AGAP1: variants seen among roughly 807,000 people sequenced by gnomAD.
The protein encoded by AGAP1 is arf-GAP with GTPase, ANK repeat and PH domain-containing protein 1.
A neutral mutation model predicts 105.3 loss-of-function variants in AGAP1; 29 were observed. The ratio of observed to expected loss-of-function variants is 0.28; its 90% confidence interval spans 0.21 to 0.38. The LOEUF (loss-of-function observed/expected upper bound fraction) is 0.38. Ranked by LOEUF, AGAP1 falls within the 10% of genes least tolerant of loss-of-function variation. AGAP1 has a pLI of 1.00. For missense variants in AGAP1, 998 were observed against 1,165.1 expected (o/e 0.86, Z 2.09); for synonymous variants, 509 against 485.9 (o/e 1.05, Z -0.63).
At chr2:235,944,196 A>G (rs1432289606) in intron 12 of AGAP1, among the ~76,000 whole-genome samples, 2 of 152,334 alleles carry the variant, frequency 1.3e-5, no homozygotes, top group African/African-American at 2.4e-5. Context: ...ACAGGAAACA[A>G]TTATAATTAC....
At position 236,000,788 on chromosome 2, in the gene AGAP1, A is replaced by G. The variant is rs1386578570; in HGVS notation, c.1645+32165A>G. On this transcript the variant is annotated intron_variant, in intron 13 of 17. Coordinates refer to ENST00000304032, the MANE Select transcript of AGAP1 (RefSeq NM_001037131.3). The surrounding 1 kb of genome is among the most constrained non-coding windows in gnomAD (Gnocchi z 4.3). ...GTGAGGGCCACTAAGGGGGGCGGAG[A>G]AGACCCCTGACAGCAAGAAGGAGCC... Among the ~76,000 whole-genome samples, 1 of 152,096 alleles carries G rather than the reference A, an allele frequency of 6.6e-6. No individual in the cohort carries two copies. Among genetic ancestry groups the G allele is most frequent in the African/African-American group, 2.4e-5 (1 of 41,420 alleles).
rs775162480 is a variant in AGAP1, at chr2:235,971,809, C to A, written c.1645+3186C>A. On this transcript the variant is annotated intron_variant, in intron 13 of 17. Coordinates refer to ENST00000304032, the MANE Select transcript of AGAP1 (RefSeq NM_001037131.3). The surrounding 1 kb of genome is among the most constrained non-coding windows in gnomAD (Gnocchi z 4.8). ...TATTGTATTTTTTGAGACAGGTCCT[C>A]GCTCTGTCACCCAGGCTGGGGTGTA... Among the ~76,000 whole-genome samples the A allele has an allele frequency of 6.7e-6, 1 of 150,374 alleles. No homozygotes were observed. The highest frequency in any genetic ancestry group is 1.9e-4 in the East Asian group (1 of 5,162).
intron 9 of AGAP1, among the ~76,000 whole-genome samples, chr2:235,821,413 T>C: frequency 6.8e-6 from 1 of 146,944 alleles, no homozygotes; most frequent in South Asian, 2.1e-4. Context: ...AGACGGGGTC[T>C]CGCTCTGTCA....
At chr2:235,834,147 G>A (rs942306833) in intron 9 of AGAP1, among the ~76,000 whole-genome samples, 5 of 152,248 alleles carry the variant, frequency 3.3e-5, no homozygotes, top group Middle Eastern at 3.4e-3. Context: ...AGTTCTCAGC[G>A]TGATCACCGT....
chr2:235,784,852 G>C (rs1956522034), intron 6 of AGAP1, among the ~76,000 whole-genome samples: 1 of 152,122 alleles, frequency 6.6e-6, no homozygotes, highest in South Asian at 2.1e-4. Flanking sequence ...TAGGTTTCTG[G>C]GAGGTAATGC....
chr2:236,051,800 C>T lies in AGAP1; in HGVS notation c.2114+2519C>T, dbSNP rs2057907586. ...GCAGCCAGCAAGGTCTGTGTCCCTT[C>T]CCGCTGGAAGGCCAGGGTCCTGGTG... On this transcript the variant is annotated intron_variant, in intron 16 of 17. Coordinates refer to ENST00000304032, the MANE Select transcript of AGAP1 (RefSeq NM_001037131.3). This position sits in a 1 kb window ranked among gnomAD's most constrained non-coding sequence, Gnocchi z 5.9. Among the ~76,000 whole-genome samples the T allele has an allele frequency of 1.3e-5, 2 of 152,158 alleles. No homozygotes were observed. Among genetic ancestry groups the T allele is most frequent in the Admixed American group, 6.5e-5 (1 of 15,278 alleles).
Position 236,087,604 on chromosome 2 carries a change from C to A in AGAP1, c.2115-32588C>A, listed in dbSNP as rs893257236. Among the ~76,000 whole-genome samples the A allele has an allele frequency of 6.6e-6, 1 of 152,238 alleles. No individual in the cohort carries two copies. Among genetic ancestry groups the A allele is most frequent in the Non-Finnish European group, 1.5e-5 (1 of 68,026 alleles). On this transcript the variant is annotated intron_variant, in intron 16 of 17. Transcript: ENST00000304032. This position sits in a 1 kb window ranked among gnomAD's most constrained non-coding sequence, Gnocchi z 5.7. The stretch of plus-strand genomic sequence containing the variant: ...ACTAGTTTGATGTTCTGAATCAGGC[C>A]CCTTGGTTAAGCGTGATAACATGAT...
chr2:235,523,546 G>T (rs367882506), intron 1 of AGAP1, among the ~76,000 whole-genome samples: 1 of 152,260 alleles, frequency 6.6e-6, no homozygotes, highest in African/African-American at 2.4e-5. Flanking sequence ...GTCATGGTAC[G>T]TGCTGTCCGC....
chr2:235,990,710 C>G (rs2125451869), intron 13 of AGAP1, among the ~76,000 whole-genome samples: 2 of 152,262 alleles, frequency 1.3e-5, no homozygotes, highest in Admixed American at 1.3e-4. Flanking sequence ...GTCAGAGTCC[C>G]ACTTAGGGTC....
rs902719830 is a variant in AGAP1 at position 236,036,440 on chromosome 2, G to A, written c.1646-121G>A. ...TCCGCCGCCGTGGTTGTCCAGTGCC[G>A]TGCGCCTCACCGGTCCATGCAGGGG... is the stretch of plus-strand genomic sequence containing the variant. On this transcript the variant is annotated intron_variant, in intron 13 of 17. Transcript: ENST00000304032. This position sits in a 1 kb window ranked among gnomAD's most constrained non-coding sequence, Gnocchi z 5.7. 1.4e-5 allele frequency: 19 copies of A among 1,320,612 alleles called. No individual in the cohort carries two copies. In the Admixed American group the frequency reaches 1.5e-4, roughly 10 times the overall value. The allele number at this position is 1,320,612 out of a possible 1,614,324, so 81.8% of individuals were successfully genotyped here.
rs570555361 is a variant in AGAP1 at position 235,896,098 on chromosome 2, A to G, written c.1156-12640A>G. Among the ~76,000 whole-genome samples, 4 of 152,176 alleles carry G rather than the reference A, an allele frequency of 2.6e-5. No homozygotes were observed. In the East Asian group the frequency reaches 7.7e-4, roughly 29 times the overall value. On this transcript the variant is annotated intron_variant, in intron 10 of 17. Coordinates refer to ENST00000304032, the MANE Select transcript of AGAP1 (RefSeq NM_001037131.3). ...AAAACAAACTCTACGCATAAACACA[A>G]ATTCCTATCCCCCCTCCACTCAGCC... is the stretch of plus-strand genomic sequence containing the variant.
intron 13 of AGAP1, among the ~76,000 whole-genome samples, chr2:235,995,937 G>T (rs1036027833): frequency 1.3e-5 from 2 of 152,150 alleles, no homozygotes; most frequent in Admixed American, 6.5e-5. Context: ...AGTAGGTCTG[G>T]AGGTCAGCCT....
intron 9 of AGAP1, among the ~76,000 whole-genome samples, chr2:235,807,912 G>A (rs2150095473): frequency 6.6e-6 from 1 of 152,146 alleles, no homozygotes; most frequent in South Asian, 2.1e-4. Context: ...TGTAATGTGG[G>A]GCCTTAATTA....
rs1010202160 is a variant in AGAP1, at chr2:235,728,072, G to T, written c.310+10428G>T. On this transcript the variant is annotated intron_variant, in intron 3 of 17. Transcript: ENST00000304032. This position sits in a 1 kb window ranked among gnomAD's most constrained non-coding sequence, Gnocchi z 4.3. ...GTAAGACCGTGTCTGCCCAGTGGGG[G>T]CCTGGACACTAAGTGCCACTTCTCT... Among the ~76,000 whole-genome samples the T allele has an allele frequency of 6.6e-6, 1 of 152,230 alleles. No homozygotes were observed. The highest frequency in any genetic ancestry group is 6.5e-5 in the Admixed American group (1 of 15,284).
Position 235,655,515 on chromosome 2 carries a change from C to T in AGAP1, c.164-53664C>T, listed in dbSNP as rs927779145. Among the ~76,000 whole-genome samples the T allele has an allele frequency of 6.6e-6, 1 of 152,124 alleles. No homozygotes were observed. Among genetic ancestry groups the T allele is most frequent in the Non-Finnish European group, 1.5e-5 (1 of 68,024 alleles). ...TCTAGTCTTACTTTTGATCCCTTTTCCTGTATTTCACCAGTATAATACTCC... is the reference window on the plus strand; with the variant it reads ...TCTAGTCTTACTTTTGATCCCTTTTTCTGTATTTCACCAGTATAATACTCC... On this transcript the variant is annotated intron_variant, in intron 1 of 17. Coordinates refer to ENST00000304032, the MANE Select transcript of AGAP1 (RefSeq NM_001037131.3). The surrounding 1 kb of genome is among the most constrained non-coding windows in gnomAD (Gnocchi z 4.3).
intron 16 of AGAP1, among the ~76,000 whole-genome samples, chr2:236,112,963 A>C (rs1351665329): frequency 6.6e-6 from 1 of 152,230 alleles, no homozygotes; most frequent in East Asian, 1.9e-4. Flanking sequence ...TGTGTTTCAA[A>C]GAAGGAAAAG....
At chr2:235,562,904 CA>C (rs1037036727) in intron 1 of AGAP1, among the ~76,000 whole-genome samples, 8 of 151,904 alleles carry the variant, frequency 5.3e-5, no homozygotes, top group African/African-American at 1.9e-4. Context: ...TTAAAAAATA[CA>C]AAAAAATTAG....
In AGAP1 at chr2:235,983,177, G is replaced by C. The variant is rs941675647; in HGVS notation, c.1645+14554G>C. On this transcript the variant is annotated intron_variant, in intron 13 of 17. Coordinates refer to ENST00000304032, the MANE Select transcript of AGAP1 (RefSeq NM_001037131.3). This position sits in a 1 kb window ranked among gnomAD's most constrained non-coding sequence, Gnocchi z 4.5. The stretch of plus-strand genomic sequence containing the variant: ...GACGACCCCAGAGAAGGGACAGGAT[G>C]GGGGGTTATGGAAGTGCCCAGCAAG... Among the ~76,000 whole-genome samples the C allele has an allele frequency of 3.3e-5, 5 of 152,110 alleles. No homozygotes were observed. Among genetic ancestry groups the C allele is most frequent in the Non-Finnish European group, 7.4e-5 (5 of 68,010 alleles).
Position 235,968,422 on chromosome 2 carries a change from A to ATTTT in AGAP1, c.1484-26_1484-23dup, listed in dbSNP as rs35278826. 5.5e-6 allele frequency: 8 copies of ATTTT among 1,452,210 alleles called. No individual in the cohort carries two copies. In the African/African-American group the frequency reaches 6.5e-5, roughly 12 times the overall value. The allele number at this position is 1,452,210 out of a possible 1,614,324, so 90.0% of individuals were successfully genotyped here. On this transcript the variant is annotated intron_variant, in intron 12 of 17. Transcript: ENST00000304032. ...TCTGCTTTGTAAGTGCTCACTCTGC[A>ATTTT]TTTTTTTTTTTTTTTTTGCCTTTTC...
Sources: gnomAD v4.1 joint callset for allele counts (sites outside exome capture counted in the v4.1 genomes callset) on GRCh38, gnomAD v4.1.1 for gene constraint, Gnocchi (gnomAD v3.1) non-coding constraint, MANE v1.5 for transcripts, NCBI Gene and HGNC (gene_info 2026-07-23, HGNC 2026-07-21) for gene names.